Variants in MBNL1 observed in about 807,000 individuals in gnomAD.
The protein encoded by MBNL1 is muscleblind-like protein 1.
A neutral mutation model predicts 42.2 loss-of-function variants in MBNL1; 8 were observed. The ratio of observed to expected loss-of-function variants is 0.19; its 90% CI spans 0.11 to 0.34. MBNL1 has a LOEUF of 0.34. Among genes scored for constraint, MBNL1 ranks in the 10% least tolerant of loss-of-function variants. The pLI, the probability that MBNL1 is intolerant of heterozygous loss-of-function variation, is 1.00. For missense variants in MBNL1, 309 were observed against 495.3 expected (o/e 0.62, Z 3.57); for synonymous variants, 169 against 173.9 (o/e 0.97, Z 0.22).
chr3:152,325,717 A>T (rs1248738524), intron 2 of MBNL1, among the ~76,000 whole-genome samples: 2 of 151,504 alleles, frequency 1.3e-5, no homozygotes, highest in Non-Finnish European at 2.9e-5. Flanking sequence ...TTTGTAAACC[A>T]GGTTTTGTGA....
At chr3:152,419,590 A>C (rs1036622661) in intron 3 of MBNL1, among the ~76,000 whole-genome samples, 1 of 152,192 alleles carries the variant, frequency 6.6e-6, no homozygotes, top group Non-Finnish European at 1.5e-5. Flanking sequence ...GCAGACTAGG[A>C]GATTCCCTTG....
chr3:152,456,466 T>A, intron 8 of MBNL1, 105 bp downstream of exon 8: 3 of 897,962 alleles, frequency 3.3e-6, no homozygotes, highest in South Asian at 2.7e-5. Context: ...GGGAATCGTG[T>A]GTACGTGAGG....
chr3:152,441,139 G>A (rs1361348803), intron 4 of MBNL1, among the ~76,000 whole-genome samples: 1 of 151,956 alleles, frequency 6.6e-6, no homozygotes, highest in East Asian at 1.9e-4. Flanking sequence ...TACCTCAAAG[G>A]GATATCTCCT....
intron 2 of MBNL1, among the ~76,000 whole-genome samples, chr3:152,318,905 G>T (rs2074236923): frequency 6.6e-6 from 1 of 152,118 alleles, no homozygotes; most frequent in African/African-American, 2.4e-5. Context: ...TGATTATTAT[G>T]ATTATTCAAT....
At chr3:152,422,797 T>A (rs2098828731) in intron 3 of MBNL1, among the ~76,000 whole-genome samples, 1 of 152,152 alleles carries the variant, frequency 6.6e-6, no homozygotes, top group Admixed American at 6.5e-5. Context: ...AGAAACTCAC[T>A]CAAAACCACA....
chr3:152,336,545 T>A (rs1384011678), intron 2 of MBNL1, among the ~76,000 whole-genome samples: 2 of 152,202 alleles, frequency 1.3e-5, no homozygotes, highest in Non-Finnish European at 2.9e-5. Flanking sequence ...AAAAGTATTT[T>A]TAAAGGAAAA....
At chr3:152,255,082 G>T (rs1189226940) in intron 2 of MBNL1, among the ~76,000 whole-genome samples, 1 of 152,110 alleles carries the variant, frequency 6.6e-6, no homozygotes. Context: ...TCCTAAGCCA[G>T]AAATCTTACA....
chr3:152,457,790 T>A (rs953029590), intron 8 of MBNL1: 4 of 240,854 alleles, frequency 1.7e-5, no homozygotes, highest in African/African-American at 8.8e-5. Context: ...GACTGTAGAA[T>A]TGCTGGTGTA....
At chr3:152,250,390 G>T (rs1156330734) in intron 2 of MBNL1, among the ~76,000 whole-genome samples, 2 of 151,416 alleles carry the variant, frequency 1.3e-5, no homozygotes, top group Admixed American at 6.6e-5. Context: ...AATTGTGAAT[G>T]GGAGTTCACT....
At chr3:152,443,253 G>A (rs78656683) in intron 4 of MBNL1, among the ~76,000 whole-genome samples, 1 of 143,622 alleles carries the variant, frequency 7.0e-6, no homozygotes, top group African/African-American at 2.6e-5. Flanking sequence ...CTTCTTTCTT[G>A]TTAATGCGGC....
chr3:152,419,746 A>G (rs535410369), intron 3 of MBNL1, among the ~76,000 whole-genome samples: 1 of 151,972 alleles, frequency 6.6e-6, no homozygotes, highest in East Asian at 1.9e-4. Flanking sequence ...TGGCTCCTGG[A>G]ACACCAGCGA....
Position 152,455,632 on chromosome 3 carries a change from C to T in MBNL1, c.997+55C>T. 15 of 1,480,286 alleles carry T rather than the reference C, an allele frequency of 1.0e-5. No homozygotes were observed. In the South Asian group the frequency reaches 1.7e-4, roughly 17 times the overall value. 91.7% of individuals were successfully genotyped at this position (1,480,286 alleles called of 1,614,324 possible). A position where few individuals can be genotyped will look rare whatever the true frequency, so the allele number is the denominator to read the frequency against. On this transcript the variant is annotated intron_variant, in intron 7 of 9. Coordinates refer to ENST00000324210, the MANE Select transcript of MBNL1 (RefSeq NM_021038.5). ...TTAAACCTATGGTGTACCTCACAGC[C>T]CCTCAAAATCCACTGCTAAGTTTAA...
At chr3:152,447,477 C>A in intron 5 of MBNL1, 143 bp from the exon 6 acceptor site, 34 of 246,086 alleles carry the variant, frequency 1.4e-4, no homozygotes, top group East Asian at 2.5e-4. Context: ...ATTTTTTGTT[C>A]ATTGGATTTT....
At chr3:152,447,907 C>A in intron 6 of MBNL1, 134 bp downstream of exon 6, 1 of 648,362 alleles carries the variant, frequency 1.5e-6, no homozygotes, top group Non-Finnish European at 2.5e-6. Context: ...ATGATGGAAA[C>A]TTATCTGAGG....
intron 2 of MBNL1, among the ~76,000 whole-genome samples, chr3:152,381,845 C>T (rs1218813106): frequency 6.6e-6 from 1 of 151,898 alleles, no homozygotes; most frequent in Non-Finnish European, 1.5e-5. Flanking sequence ...CTGATTAAAT[C>T]AGCCAAAGAA....
intron 3 of MBNL1, among the ~76,000 whole-genome samples, chr3:152,418,605 C>A (rs1580019728): frequency 1.5e-5 from 2 of 133,366 alleles, no homozygotes; most frequent in South Asian, 2.6e-4. Flanking sequence ...CAGAATAAGA[C>A]CCTGTCTCTA....
intron 2 of MBNL1, among the ~76,000 whole-genome samples, chr3:152,404,766 A>G (rs907996426): frequency 6.7e-6 from 1 of 149,102 alleles, no homozygotes; most frequent in Non-Finnish European, 1.5e-5. Flanking sequence ...AAATTATTTT[A>G]TATCTAAATA....
intron 2 of MBNL1, among the ~76,000 whole-genome samples, chr3:152,361,455 A>G (rs1223180296): frequency 6.6e-6 from 1 of 150,628 alleles, no homozygotes; most frequent in Non-Finnish European, 1.5e-5. Flanking sequence ...AGATTGAGGC[A>G]CCATTATATT....
At chr3:152,253,458 A>G (rs2034974899) in intron 2 of MBNL1, among the ~76,000 whole-genome samples, 1 of 152,120 alleles carries the variant, frequency 6.6e-6, no homozygotes, top group Middle Eastern at 3.2e-3. Context: ...GCCTATTAAG[A>G]AACCCTCTTT....
Sources: allele counts gnomAD v4.1 joint callset (sites outside exome capture counted in the v4.1 genomes callset), GRCh38; gene constraint gnomAD v4.1.1; transcripts MANE v1.5; gene names NCBI Gene and HGNC (gene_info 2026-07-23, HGNC 2026-07-21).